Variants in EPS8 observed in about 807,000 individuals in gnomAD.
EPS8 encodes the protein EGFR pathway substrate 8, signaling adaptor, also known as epidermal growth factor receptor kinase substrate 8.
In EPS8, 42 loss-of-function variants were observed where a neutral mutation model predicts 103.8. The ratio of observed to expected loss-of-function variants is 0.40; its 90% confidence interval spans 0.32 to 0.52. The LOEUF (loss-of-function observed/expected upper bound fraction) is 0.52. Ranked by LOEUF, EPS8 falls within the 20% of genes least tolerant of loss-of-function variation. The probability of loss-of-function intolerance (pLI) is 0.40; values close to 1 mark genes in which losing one functional copy is unlikely to be tolerated. For missense variants in EPS8, 969 were observed against 1,005.1 expected (o/e 0.96, Z 0.49); for synonymous variants, 344 against 344.6 (o/e 1.00, Z 0.02).
At chr12:15,640,515 C>A (rs2135753585) in intron 17 of EPS8, among the ~76,000 whole-genome samples, 188 bp downstream of exon 17, 1 of 152,286 alleles carries the variant, frequency 6.6e-6, no homozygotes, top group African/African-American at 2.4e-5. Context: ...AGAAGTAAAT[C>A]AGAAAACATA....
chr12:15,717,630 C>G lies in EPS8; in HGVS notation c.-21-34658G>C, dbSNP rs1383500370. ...AAAGAAAAAAGAAATGAAATGGACA[C>G]TTCTTGGCATGAATAAATATAAATA... On this transcript the variant is annotated intron_variant, in intron 1 of 20. Coordinates refer to ENST00000281172, the MANE Select transcript of EPS8 (RefSeq NM_004447.6). This position sits in a 1 kb window ranked among gnomAD's most constrained non-coding sequence, Gnocchi z 4.3. Among the ~76,000 whole-genome samples, 1 of 152,054 alleles carries G rather than the reference C, an allele frequency of 6.6e-6. No individual in the cohort carries two copies. The highest frequency in any genetic ancestry group is 1.5e-5 in the Non-Finnish European group (1 of 67,998).
At position 15,784,277 on chromosome 12, in the gene EPS8, G is replaced by A. The variant is rs547472501; in HGVS notation, c.-22+4884C>T. 6.6e-6 allele frequency among the ~76,000 whole-genome samples: 1 copy of A among 152,152 alleles called. No homozygotes were observed. The highest frequency in any genetic ancestry group is 2.4e-5 in the African/African-American group (1 of 41,556). ...AGTGCCTGTATACAAAATGTATAAA[G>A]AACTCTTAAAATCAACAATAAGAAA... On this transcript the variant is annotated intron_variant, in intron 1 of 20. Transcript: ENST00000281172. This position sits in a 1 kb window ranked among gnomAD's most constrained non-coding sequence, Gnocchi z 4.0.
At chr12:15,729,089 T>C (rs1946684888) in intron 1 of EPS8, among the ~76,000 whole-genome samples, 1 of 152,210 alleles carries the variant, frequency 6.6e-6, no homozygotes, top group African/African-American at 2.4e-5. Flanking sequence ...CTTGCTTACA[T>C]AGTTTTTGAA....
Position 15,781,575 on chromosome 12 carries a change from A to C in EPS8, c.-22+7586T>G, listed in dbSNP as rs1303515446. 1.3e-5 allele frequency among the ~76,000 whole-genome samples: 2 copies of C among 152,264 alleles called. No homozygotes were observed. Among genetic ancestry groups the C allele is most frequent in the Non-Finnish European group, 1.5e-5 (1 of 68,046 alleles). On this transcript the variant is annotated intron_variant, in intron 1 of 20. Coordinates refer to ENST00000281172, the MANE Select transcript of EPS8 (RefSeq NM_004447.6). The surrounding 1 kb of genome is among the most constrained non-coding windows in gnomAD (Gnocchi z 4.1). ...ATGTAACACCTGCCACACAAAAGGT[A>C]CTATTATTATGTGAGCTGCTCCACC...
At position 15,785,966 on chromosome 12, in the gene EPS8, A is replaced by G. The variant is rs1947306849; in HGVS notation, c.-22+3195T>C. Among the ~76,000 whole-genome samples, 1 of 151,854 alleles carries G rather than the reference A, an allele frequency of 6.6e-6. No individual in the cohort carries two copies. Among genetic ancestry groups the G allele is most frequent in the Admixed American group, 6.6e-5 (1 of 15,242 alleles). On this transcript the variant is annotated intron_variant, in intron 1 of 20. Coordinates refer to ENST00000281172, the MANE Select transcript of EPS8 (RefSeq NM_004447.6). This position sits in a 1 kb window ranked among gnomAD's most constrained non-coding sequence, Gnocchi z 4.9. ...GTCCAGAACAAAATAAATATGATTG[A>G]GTAAATAAATACATGGGGGAGAAGA...
chr12:15,757,584 C>T lies in EPS8; in HGVS notation c.-22+31577G>A, dbSNP rs1276304665. On this transcript the variant is annotated intron_variant, in intron 1 of 20. Transcript: ENST00000281172. The surrounding 1 kb of genome is among the most constrained non-coding windows in gnomAD (Gnocchi z 4.1). ...GCCAGAAGTTGCAGTGAGTTGAGAT[C>T]GCGCCACTGCACTCCAGCCTGGCAA... Among the ~76,000 whole-genome samples, 1 of 151,740 alleles carries T rather than the reference C, an allele frequency of 6.6e-6. No individual in the cohort carries two copies. Among genetic ancestry groups the T allele is most frequent in the Non-Finnish European group, 1.5e-5 (1 of 67,950 alleles).
At chr12:15,653,761 G>T (rs1945456419) in intron 13 of EPS8, among the ~76,000 whole-genome samples, 1 of 152,216 alleles carries the variant, frequency 6.6e-6, no homozygotes, top group African/African-American at 2.4e-5. Flanking sequence ...GATAATAAGA[G>T]TAGTTCTGTA....
At chr12:15,722,714 C>G (rs56074921) in intron 1 of EPS8, among the ~76,000 whole-genome samples, 6,622 of 152,206 alleles carry the variant, frequency 0.044, 483 homozygotes, top group African/African-American at 0.15. Flanking sequence ...CTGGTGAGGA[C>G]TTGCTCTCTG....
At chr12:15,654,451 T>C in intron 12 of EPS8, 158 bp from the exon 13 acceptor site, 1 of 682,984 alleles carries the variant, frequency 1.5e-6, no homozygotes, top group Non-Finnish European at 2.5e-6. Flanking sequence ...GAAAAGCTTG[T>C]CAAATCAACT....
chr12:15,776,446 C>A lies in EPS8; in HGVS notation c.-22+12715G>T, dbSNP rs1048214075. On this transcript the variant is annotated intron_variant, in intron 1 of 20. Transcript: ENST00000281172. This position sits in a 1 kb window ranked among gnomAD's most constrained non-coding sequence, Gnocchi z 4.2. ...AACCTTCCCCTCAAGTTCACATGCA[C>A]ACTCTCAGGAACTAACACAGACCTA... is the stretch of plus-strand genomic sequence containing the variant. Among the ~76,000 whole-genome samples, 1 of 152,128 alleles carries A rather than the reference C, an allele frequency of 6.6e-6. No homozygotes were observed. The highest frequency in any genetic ancestry group is 1.5e-5 in the Non-Finnish European group (1 of 68,008).
At position 15,755,188 on chromosome 12, in the gene EPS8, G is replaced by GT. The variant is rs373706444; in HGVS notation, c.-22+33972dup. On this transcript the variant is annotated intron_variant, in intron 1 of 20. Transcript: ENST00000281172. Reference sequence around the variant, plus strand: ...TGCAGTCTATCAGCCAATTCCTTCTGTTTTCAAGTTGTTGGAAAATCAAGT... The same window carrying GT: ...TGCAGTCTATCAGCCAATTCCTTCTGTTTTTCAAGTTGTTGGAAAATCAAGT... Among the ~76,000 whole-genome samples, 213 of 152,260 alleles carry GT rather than the reference G, an allele frequency of 1.4e-3. 1 individual carries two copies. The highest frequency in any genetic ancestry group is 4.9e-3 in the African/African-American group (205 of 41,556).
rs925052075 is a variant in EPS8 at position 15,727,128 on chromosome 12, T to C, written c.-21-44156A>G. 5.3e-5 allele frequency among the ~76,000 whole-genome samples: 8 copies of C among 152,240 alleles called. No individual in the cohort carries two copies. Among genetic ancestry groups the C allele is most frequent in the Non-Finnish European group, 2.9e-5 (2 of 68,042 alleles). ...ACTCAGGAAATTTTATGAATTTGTT[T>C]AGTTAAATCTAAGTTAAGTACAAGT... On this transcript the variant is annotated intron_variant, in intron 1 of 20. Coordinates refer to ENST00000281172, the MANE Select transcript of EPS8 (RefSeq NM_004447.6). The surrounding 1 kb of genome is among the most constrained non-coding windows in gnomAD (Gnocchi z 4.3).
At chr12:15,729,071 A>G (rs1946684768) in intron 1 of EPS8, among the ~76,000 whole-genome samples, 1 of 151,746 alleles carries the variant, frequency 6.6e-6, no homozygotes, top group African/African-American at 2.4e-5. Context: ...ACTTCATTCT[A>G]CTCTCTTCTT....
In EPS8 at chr12:15,752,373, C is replaced by T. The variant is rs192046151; in HGVS notation, c.-22+36788G>A. ...AAGGCAGGAGAATGGCGTGAACCCGCGAGGCGGAGCTTGCAGTGAGCTGAG... is the reference window on the plus strand; with the variant it reads ...AAGGCAGGAGAATGGCGTGAACCCGTGAGGCGGAGCTTGCAGTGAGCTGAG... On this transcript the variant is annotated intron_variant, in intron 1 of 20. Transcript: ENST00000281172. This position sits in a 1 kb window ranked among gnomAD's most constrained non-coding sequence, Gnocchi z 4.4. 2.7e-4 allele frequency among the ~76,000 whole-genome samples: 41 copies of T among 151,604 alleles called. No homozygotes were observed. Among genetic ancestry groups the T allele is most frequent in the African/African-American group, 8.5e-4 (35 of 41,310 alleles).
At chr12:15,707,691 C>G (rs777984861) in intron 1 of EPS8, among the ~76,000 whole-genome samples, 1 of 152,116 alleles carries the variant, frequency 6.6e-6, no homozygotes, top group Non-Finnish European at 1.5e-5. Context: ...TCAGATTTCT[C>G]TTACCACAAT....
At chr12:15,629,546 T>C (rs547843593) in intron 18 of EPS8, among the ~76,000 whole-genome samples, 1 of 152,370 alleles carries the variant, frequency 6.6e-6, no homozygotes, top group Non-Finnish European at 1.5e-5. Context: ...AAACTCTTTT[T>C]AAAAACTCCA....
chr12:15,680,341 T>C (rs1323223922), intron 3 of EPS8, among the ~76,000 whole-genome samples: 1 of 152,096 alleles, frequency 6.6e-6, no homozygotes, highest in African/African-American at 2.4e-5. Flanking sequence ...ATCGATAATA[T>C]CAACAATAAT....
chr12:15,642,359 A>G (rs1400456135), intron 15 of EPS8, among the ~76,000 whole-genome samples: 1 of 152,048 alleles, frequency 6.6e-6, no homozygotes, highest in Non-Finnish European at 1.5e-5. Context: ...CTAAATTGCA[A>G]AAAAAAGAGA....
At position 15,650,970 on chromosome 12, in the gene EPS8, A is replaced by G. The variant is rs33956726; in HGVS notation, c.1287T>C (p.Tyr429=). The G allele has an allele frequency of 0.011, 17,509 of 1,614,062 alleles. 239 individuals are homozygous for G. Among genetic ancestry groups the G allele is most frequent in the African/African-American group, 0.055 (4,110 of 75,024 alleles). The part of the protein sequence containing the change: ...EWPKEQFIPP[Y]VPRFRNGWEP... ...CCCAGCCATTGCGGAATCGTGGAAC[A>G]TATGGTGGAATAAACTGTTCTTTTG... is the stretch of plus-strand genomic sequence containing the variant. Residue 429 remains tyrosine, a synonymous_variant, in exon 14 of 21, where the codon TAT becomes TAC. Coordinates refer to ENST00000281172, the MANE Select transcript of EPS8 (RefSeq NM_004447.6).
Sources: gnomAD v4.1 joint callset for allele counts (sites outside exome capture counted in the v4.1 genomes callset) on GRCh38, gnomAD v4.1.1 for gene constraint, Gnocchi (gnomAD v3.1) non-coding constraint, MANE v1.5 for transcripts, NCBI Gene and HGNC (gene_info 2026-07-23, HGNC 2026-07-21) for gene names.